SPAG16: variants seen among roughly 807,000 people sequenced by gnomAD.
The protein encoded by SPAG16 is sperm-associated antigen 16 protein.
A neutral mutation model predicts 80.4 loss-of-function variants in SPAG16; 86 were observed. That is an observed-to-expected ratio of 1.07 (90% confidence interval 0.90 to 1.28). The LOEUF is 1.28. Among genes scored for constraint, SPAG16 ranks in the 50% most tolerant of loss-of-function variants. The probability of loss-of-function intolerance (pLI) is 0.00; values close to 1 mark genes in which losing one functional copy is unlikely to be tolerated. For synonymous variants in SPAG16, 294 were observed against 265.9 expected (o/e 1.11, Z -1.03); for missense variants, 870 against 765.3 (o/e 1.14, Z -1.61).
At chr2:213,586,791 C>A (rs1364686166) in intron 10 of SPAG16, among the ~76,000 whole-genome samples, 1 of 152,186 alleles carries the variant, frequency 6.6e-6, no homozygotes, top group Non-Finnish European at 1.5e-5. Context: ...GTAACATTAG[C>A]ATTCTAGAAG....
At chr2:213,987,479 CAAATT>C (rs2046070029) in intron 12 of SPAG16, among the ~76,000 whole-genome samples, 1 of 152,074 alleles carries the variant, frequency 6.6e-6, no homozygotes. Context: ...ACAAGTTTGA[CAAATT>C]AAGTTAGACT....
intron 13 of SPAG16, among the ~76,000 whole-genome samples, chr2:214,059,747 AT>A (rs11313038): frequency 0.3 from 44,423 of 148,118 alleles, 7,189 homozygotes; most frequent in African/African-American, 0.4. Context: ...CTTTAAGGTT[AT>A]TTTTTTTTTT....
intron 14 of SPAG16, among the ~76,000 whole-genome samples, chr2:214,112,378 G>T (rs1286147240): frequency 1.3e-5 from 2 of 152,120 alleles, no homozygotes; most frequent in Non-Finnish European, 2.9e-5. Context: ...TTAACCTTCT[G>T]TCTCATTGAT....
At chr2:213,355,915 G>C (rs1455554651) in intron 7 of SPAG16, among the ~76,000 whole-genome samples, 2 of 152,194 alleles carry the variant, frequency 1.3e-5, no homozygotes, top group Non-Finnish European at 2.9e-5. Context: ...TGTTGAATTG[G>C]AGTGGTGAGA....
At chr2:213,738,433 T>C (rs2067392873) in intron 10 of SPAG16, among the ~76,000 whole-genome samples, 1 of 152,200 alleles carries the variant, frequency 6.6e-6, no homozygotes. Context: ...TTTTCCACAT[T>C]CCTTAAAATA....
At chr2:213,706,426 AT>A (rs1033730726) in intron 10 of SPAG16, among the ~76,000 whole-genome samples, 2 of 152,134 alleles carry the variant, frequency 1.3e-5, no homozygotes, top group African/African-American at 2.4e-5. Context: ...ATCATTCTAA[AT>A]TTTTTTTGGA....
intron 15 of SPAG16, among the ~76,000 whole-genome samples, chr2:214,357,299 T>C (rs1217699221): frequency 3.9e-5 from 6 of 151,920 alleles, no homozygotes; most frequent in African/African-American, 1.4e-4. Context: ...ATAATTTCTC[T>C]CCATATCCTA....
At chr2:213,645,569 A>G (rs993781410) in intron 10 of SPAG16, among the ~76,000 whole-genome samples, 1 of 152,124 alleles carries the variant, frequency 6.6e-6, no homozygotes, top group African/African-American at 2.4e-5. Flanking sequence ...GGCCTGTAAC[A>G]GGGACCTCAG....
chr2:213,293,206 G>A (rs1472323196), intron 1 of SPAG16, among the ~76,000 whole-genome samples: 3 of 152,078 alleles, frequency 2.0e-5, no homozygotes, highest in Admixed American at 6.5e-5. Context: ...AGTGCCTTCC[G>A]CCATGATTGT....
intron 15 of SPAG16, among the ~76,000 whole-genome samples, chr2:214,229,649 A>C (rs1688552881): frequency 6.6e-6 from 1 of 151,786 alleles, no homozygotes; most frequent in African/African-American, 2.4e-5. Context: ...AAAAAACTAT[A>C]ATTTGGAAGA....
intron 15 of SPAG16, among the ~76,000 whole-genome samples, chr2:214,325,097 G>T (rs1576783942): frequency 6.6e-6 from 1 of 152,256 alleles, no homozygotes; most frequent in East Asian, 1.9e-4. Context: ...TTCATACAAT[G>T]GTGATGTTTG....
chr2:213,598,703 G>A (rs1040150251), intron 10 of SPAG16, among the ~76,000 whole-genome samples: 2 of 152,162 alleles, frequency 1.3e-5, no homozygotes, highest in Non-Finnish European at 2.9e-5. Flanking sequence ...AATTGAAATT[G>A]CACATATTTT....
chr2:214,104,350 A>G (rs1025535607), intron 13 of SPAG16, among the ~76,000 whole-genome samples: 3 of 152,134 alleles, frequency 2.0e-5, no homozygotes, highest in Non-Finnish European at 2.9e-5. Context: ...GGCTGTATGC[A>G]GGAGCGTGAC....
chr2:213,352,685 T>TA (rs1407565117), intron 7 of SPAG16, among the ~76,000 whole-genome samples: 1 of 152,228 alleles, frequency 6.6e-6, no homozygotes, highest in African/African-American at 2.4e-5. Context: ...TTATTTGCCT[T>TA]ATGATTGATA....
chr2:214,397,801 T>G (rs930992146), intron 15 of SPAG16, among the ~76,000 whole-genome samples: 1 of 152,236 alleles, frequency 6.6e-6, no homozygotes, highest in Non-Finnish European at 1.5e-5. Context: ...TTTTCTTCTC[T>G]AATGCAAAAA....
At chr2:214,270,951 T>G (rs1691948016) in intron 15 of SPAG16, among the ~76,000 whole-genome samples, 1 of 152,100 alleles carries the variant, frequency 6.6e-6, no homozygotes, top group Admixed American at 6.6e-5. Context: ...TTTTCTACCT[T>G]TTTCCCGAAT....
chr2:214,341,331 A>T (rs1455029225), intron 15 of SPAG16, among the ~76,000 whole-genome samples: 1 of 150,908 alleles, frequency 6.6e-6, no homozygotes. Flanking sequence ...ATTAAAAGAG[A>T]GGGAGGATAG....
At chr2:214,253,341 C>A (rs1175750612) in intron 15 of SPAG16, among the ~76,000 whole-genome samples, 1 of 152,048 alleles carries the variant, frequency 6.6e-6, no homozygotes, top group African/African-American at 2.4e-5. Context: ...GCTTTTGTTG[C>A]CATTGCTTTT....
intron 14 of SPAG16, among the ~76,000 whole-genome samples, chr2:214,116,786 G>A (rs1292964170): frequency 6.6e-6 from 1 of 152,184 alleles, no homozygotes; most frequent in African/African-American, 2.4e-5. Flanking sequence ...GCAAACCTGG[G>A]CTGAGAGGTT....
Sources: allele counts gnomAD v4.1 joint callset (sites outside exome capture counted in the v4.1 genomes callset), GRCh38; gene constraint gnomAD v4.1.1; transcripts MANE v1.5; gene names NCBI Gene and HGNC (gene_info 2026-07-23, HGNC 2026-07-21).